Variants in CD1E observed in about 807,000 individuals in gnomAD.
CD1E encodes T-cell surface glycoprotein CD1e, membrane-associated.
A neutral mutation model predicts 40.1 loss-of-function variants in CD1E; 49 were observed. That is an observed-to-expected ratio of 1.22 (90% CI 0.97 to 1.55). CD1E has a LOEUF of 1.55. Ranked by LOEUF, CD1E falls within the 40% of genes most tolerant of loss-of-function variation. The pLI, the probability that CD1E is intolerant of heterozygous loss-of-function variation, is 0.00. For synonymous variants in CD1E, 189 were observed against 178.3 expected (o/e 1.06, Z -0.48); for missense variants, 492 against 471.3 (o/e 1.04, Z -0.41).
rs1287096259 is a variant in CD1E, at chr1:158,354,598, C to G, written c.280C>G (p.Gln94Glu). 1 of 1,614,154 alleles carries G rather than the reference C, an allele frequency of 6.2e-7. No individual in the cohort carries two copies. The highest frequency in any genetic ancestry group is 1.7e-5 in the Admixed American group (1 of 60,028). The stretch of plus-strand genomic sequence containing the variant: ...CAGCAAGCAGGAGCTGAAAAACTTA[C>G]AGTCACTGTTCCAGTTATACTTCCA... ...NFSKQELKNLQSLFQLYFHSF... is the reference protein window; with the variant it reads ...NFSKQELKNLESLFQLYFHSF... The change falls in exon 2 of 6, where the codon CAG becomes GAG. Residue 94 changes from glutamine (Q) to glutamate (E), a missense_variant. Transcript: ENST00000368167.
rs766561227 is a variant in CD1E at position 158,356,508 on chromosome 1, C to T, written c.915C>T (p.Ser305=). The change falls in exon 5 of 6, where the codon TCC becomes TCT. Residue 305 remains serine (S), a synonymous_variant. Transcript: ENST00000368167. ...TCTATCCCCAACCAGGTGGATATTC[C>T]ATCTTTCTCATCCTGATCTGTTTGA... ...HDLIIHWGGY[S]IFLILICLTV... is the part of the protein sequence containing the mutation. 32 of 1,610,966 alleles carry T rather than the reference C, an allele frequency of 2.0e-5. No homozygotes were observed. The highest frequency in any genetic ancestry group is 2.6e-5 in the Non-Finnish European group (31 of 1,177,570).
intron 2 of CD1E, among the ~76,000 whole-genome samples, chr1:158,355,019 T>C (rs1436137273): frequency 6.6e-6 from 1 of 152,216 alleles, no homozygotes; most frequent in Admixed American, 6.5e-5. Flanking sequence ...TGACATGGAC[T>C]GGCCTGTACC....
At chr1:158,355,740 G>A (rs1049868923) in intron 3 of CD1E, 87 bp from the exon 4 acceptor site, 1 of 1,463,104 alleles carries the variant, frequency 6.8e-7, no homozygotes, top group African/African-American at 1.4e-5. Flanking sequence ...ATCACTCTTA[G>A]TATTATTACA....
intron 5 of CD1E, 39 bp from the exon 6 acceptor site, chr1:158,356,689 T>TCC (rs760277019): frequency 5.3e-5 from 85 of 1,599,524 alleles, no homozygotes; most frequent in Non-Finnish European, 5.7e-5. Flanking sequence ...CCCCTTTATT[T>TCC]CCTTTCTTTG....
In CD1E at chr1:158,356,723, C is replaced by A. The variant is rs999261518; in HGVS notation, c.999-5C>A. On this transcript the variant is annotated splice_region_variant and splice_polypyrimidine_tract_variant and intron_variant, in intron 5 of 5. Transcript: ENST00000368167. ...TGAGATTAATATCCTCCTCTTTTCC[C>A]ACAGTTCAAATAAGAACATTCTTTC... 1 of 1,612,952 alleles carries A rather than the reference C, an allele frequency of 6.2e-7. No homozygotes were observed. The highest frequency in any genetic ancestry group is 8.5e-7 in the Non-Finnish European group (1 of 1,179,604).
rs1653328174 is a variant in CD1E at position 158,354,258 on chromosome 1, G to T, written c.59-119G>T. On this transcript the variant is annotated intron_variant, in intron 1 of 5. Transcript: ENST00000368167. ...AGGAAGCTGGCCCCACAGGAAAAGG[G>T]TATTGGAGTATGTACAAGCTACCTA... The T allele has an allele frequency of 1.9e-5, 19 of 1,019,908 alleles. No individual in the cohort carries two copies. The South Asian group carries it at 2.3e-4, about 13-fold the overall frequency. 63.2% of individuals were successfully genotyped at this position (1,019,908 alleles called of 1,614,324 possible).
In CD1E at chr1:158,354,024, C is replaced by T. The variant is rs552211899; in HGVS notation, c.36C>T (p.Cys12=). 1 of 1,614,006 alleles carries T rather than the reference C, an allele frequency of 6.2e-7. No homozygotes were observed. Among genetic ancestry groups the T allele is most frequent in the Non-Finnish European group, 8.5e-7 (1 of 1,179,898 alleles). The change falls in exon 1 of 6, where the codon TGC becomes TGT. Residue 12 remains cysteine (C), a synonymous_variant. Coordinates refer to ENST00000368167, the MANE Select transcript of CD1E (RefSeq NM_030893.4). ...TGTTCCTCCTCTTCGAGGGTCTCTG[C>T]TGTCCTGGGGAAAATACAGCAGGTA... ...LLLFLLFEGL[C]CPGENTAAPQ... is the part of the protein sequence containing the mutation.
intron 5 of CD1E, 57 bp downstream of exon 5, chr1:158,356,648 CTCTA>C: frequency 6.4e-7 from 1 of 1,566,680 alleles, no homozygotes; most frequent in Non-Finnish European, 8.7e-7. Context: ...TTCCTTTTTC[CTCTA>C]TCTTCTTTTT....
rs1459228076 is a variant in CD1E, at chr1:158,354,563, A to G, written c.245A>G (p.His82Arg). ...ATCCGCTTTCTGAAGCCCTGGTCCC[A>G]TGGAAACTTCAGCAAGCAGGAGCTG... The part of the protein sequence containing the change: ...GTIRFLKPWS[H>R]GNFSKQELKN... Residue 82 changes from histidine (H) to arginine (R), a missense_variant, in exon 2 of 6, where the codon CAT becomes CGT. Transcript: ENST00000368167. 4 of 1,614,188 alleles carry G rather than the reference A, an allele frequency of 2.5e-6. No homozygotes were observed. Among genetic ancestry groups the G allele is most frequent in the East Asian group, 4.5e-5 (2 of 44,878 alleles).
At chr1:158,354,202 A>G (rs1360995888) in intron 1 of CD1E, 156 bp downstream of exon 1, 1 of 910,858 alleles carries the variant, frequency 1.1e-6, no homozygotes, top group South Asian at 1.6e-5. Context: ...TCTTGCTCTC[A>G]GTCTCAGTTT....
Position 158,356,863 on chromosome 1 carries a change from GA to G in CD1E, c.1136del (p.Lys379SerfsTer6). ...CGTGGATCAAAAACAGAGTATTGAA[GA>G]AGTGGAAGACACGCCTAAACCAACT... ...VSWIKNRVLK[K>X]WKTRLNQLW On this transcript the variant is annotated frameshift_variant, in exon 6 of 6. Coordinates refer to ENST00000368167, the MANE Select transcript of CD1E (RefSeq NM_030893.4). LOFTEE classifies it high-confidence loss of function. 6.2e-7 allele frequency: 1 copy of G among 1,613,986 alleles called. No homozygotes were observed. Among genetic ancestry groups the G allele is most frequent in the South Asian group, 1.1e-5 (1 of 91,052 alleles).
Position 158,355,320 on chromosome 1 carries a change from T to C in CD1E, c.376T>C (p.Leu126=), listed in dbSNP as rs372604966. The C allele has an allele frequency of 1.3e-4, 213 of 1,613,888 alleles. No homozygotes were observed. Among genetic ancestry groups the C allele is most frequent in the Non-Finnish European group, 9.7e-5 (114 of 1,179,904 alleles). Residue 126 remains leucine (L), a synonymous_variant, in exon 3 of 6, where the codon TTA becomes CTA. Coordinates refer to ENST00000368167, the MANE Select transcript of CD1E (RefSeq NM_030893.4). ...CTCAGACCCCTTCGAGATCCAGATA[T>C]TAGCTGGCTGTAGAATGAATGCCCC... ...QLEYPFEIQI[L]AGCRMNAPQI... is the part of the protein sequence containing the mutation.
At position 158,357,154 on chromosome 1, in the gene CD1E, C is replaced by G. The variant is rs1364361883; in HGVS notation, c.*258C>G. 2.7e-6 allele frequency: 1 copy of G among 370,812 alleles called. No individual in the cohort carries two copies. Among genetic ancestry groups the G allele is most frequent in the Non-Finnish European group, 4.9e-6 (1 of 203,136 alleles). The allele number at this position is 370,812 out of a possible 1,614,324, so 23.0% of individuals were successfully genotyped here. On this transcript the variant is annotated 3_prime_UTR_variant, in exon 6 of 6. Coordinates refer to ENST00000368167, the MANE Select transcript of CD1E (RefSeq NM_030893.4). ...CGAGATCACCCAATTGATAGCTCTT[C>G]TGTACTCCCCAAATTGAACTGATCT...
intron 3 of CD1E, 48 bp downstream of exon 3, chr1:158,355,617 T>C: frequency 6.4e-7 from 1 of 1,565,904 alleles, no homozygotes; most frequent in South Asian, 1.2e-5. Context: ...ACTATAACTC[T>C]CATATTTGAA....
Position 158,355,589 on chromosome 1 carries a change from T to C in CD1E, c.625+20T>C. On this transcript the variant is annotated intron_variant, in intron 3 of 5. Coordinates refer to ENST00000368167, the MANE Select transcript of CD1E (RefSeq NM_030893.4). Reference sequence around the variant, plus strand: ...GGAAAGGTGAGCCCAACTCTCTCTCTCCCCTCTTGTTCCTAGTACTATAAC... The same window carrying C: ...GGAAAGGTGAGCCCAACTCTCTCTCCCCCCTCTTGTTCCTAGTACTATAAC... 6.2e-7 allele frequency: 1 copy of C among 1,609,150 alleles called. No individual in the cohort carries two copies. The highest frequency in any genetic ancestry group is 8.5e-7 in the Non-Finnish European group (1 of 1,177,272).
rs1230170425 is a variant in CD1E, at chr1:158,353,961, A to G, written c.-28A>G. 2 of 1,605,466 alleles carry G rather than the reference A, an allele frequency of 1.2e-6. No homozygotes were observed. The highest frequency in any genetic ancestry group is 1.7e-5 in the Admixed American group (1 of 59,990). ...GAATTATTAGGGCAGGTGTCCTGCC[A>G]AGGAATCCCTCCTTTAACAGAGCTT... On this transcript the variant is annotated 5_prime_UTR_variant, in exon 1 of 6. Transcript: ENST00000368167.
intron 1 of CD1E, 54 bp from the exon 2 acceptor site, chr1:158,354,323 T>C: frequency 6.6e-7 from 1 of 1,507,618 alleles, no homozygotes; most frequent in Non-Finnish European, 8.9e-7. Context: ...CCCTTTGGCA[T>C]CACTTTTCCC....
chr1:158,354,205 C>A, intron 1 of CD1E, 159 bp downstream of exon 1: 1 of 917,100 alleles, frequency 1.1e-6, no homozygotes, highest in Non-Finnish European at 1.7e-6. Context: ...TGCTCTCAGT[C>A]TCAGTTTTTG....
intron 2 of CD1E, among the ~76,000 whole-genome samples, chr1:158,354,949 C>T (rs1449671339): frequency 6.6e-6 from 1 of 152,092 alleles, no homozygotes; most frequent in Non-Finnish European, 1.5e-5. Flanking sequence ...CTCATTCCTG[C>T]CCTCAGACTC....
Sources: gnomAD v4.1 joint callset for allele counts (sites outside exome capture counted in the v4.1 genomes callset) on GRCh38, gnomAD v4.1.1 for gene constraint, MANE v1.5 for transcripts, NCBI Gene and HGNC (gene_info 2026-07-23, HGNC 2026-07-21) for gene names.